The following TSPAN7 variants were observed in gnomAD, a reference collection of about 807,000 sequenced individuals.
TSPAN7 encodes tetraspanin 7.
Under a neutral mutation model 17.6 loss-of-function variants are expected in TSPAN7, and 1 was observed. The ratio of observed to expected loss-of-function variants is 0.06; its 90% CI spans 0.02 to 0.27. The LOEUF (loss-of-function observed/expected upper bound fraction) is 0.27, where lower values mean the gene tolerates loss of function less well. Among genes scored for constraint, TSPAN7 ranks in the 10% least tolerant of loss-of-function variants. The probability of loss-of-function intolerance (pLI) is 1.00; values close to 1 mark genes in which losing one functional copy is unlikely to be tolerated. For synonymous variants in TSPAN7, 78 were observed against 79.0 expected, an observed-to-expected ratio of 0.99 and a Z score of 0.07; for missense variants, 112 against 201.7, an observed-to-expected ratio of 0.56 and a Z score of 2.69.
Position 38,664,443 on chromosome X carries a change from G to T in TSPAN7, c.82-1678G>T, listed in dbSNP as rs192291229. Reference sequence around the variant, plus strand: ...TTTATGTTTCCGTGTTGGGGAGTATGGCAGAAGAGGCTGCTCAAGGAAAGT... The same window carrying T: ...TTTATGTTTCCGTGTTGGGGAGTATTGCAGAAGAGGCTGCTCAAGGAAAGT... On this transcript the variant is annotated intron_variant, in intron 1 of 7. Transcript: ENST00000378482. Among the ~76,000 whole-genome samples the T allele has an allele frequency of 4.8e-3, 540 of 111,426 alleles. 1 individual carries two copies. The highest frequency in any genetic ancestry group is 0.017 in the African/African-American group (506 of 30,587).
chrX:38,579,566 A>G (rs1162066938), intron 1 of TSPAN7, among the ~76,000 whole-genome samples: 1 of 111,390 alleles, frequency 9.0e-6, no homozygotes. Flanking sequence ...ACAGAGCGAG[A>G]CTGTGTCTCA....
chrX:38,623,270 C>A (rs1474044703), intron 1 of TSPAN7, among the ~76,000 whole-genome samples: 1 of 111,563 alleles, frequency 9.0e-6, no homozygotes, highest in Non-Finnish European at 1.9e-5. Context: ...GAGGCAAGCA[C>A]TGAAGTTAAT....
At chrX:38,625,862 T>C (rs1045046364) in intron 1 of TSPAN7, among the ~76,000 whole-genome samples, 2 of 112,086 alleles carry the variant, frequency 1.8e-5, no homozygotes, top group African/African-American at 6.5e-5. Context: ...AAGATATAAG[T>C]CATCTGTGGG....
At chrX:38,575,143 G>C (rs1481658515) in intron 1 of TSPAN7, among the ~76,000 whole-genome samples, 1 of 110,824 alleles carries the variant, frequency 9.0e-6, no homozygotes, top group African/African-American at 3.3e-5. Context: ...TCAGTAACCA[G>C]CAAGCAACTG....
intron 1 of TSPAN7, among the ~76,000 whole-genome samples, chrX:38,584,577 G>C (rs1273636174): frequency 4.5e-5 from 5 of 111,980 alleles, no homozygotes; most frequent in African/African-American, 1.6e-4. Context: ...ATGTTATTCA[G>C]GTGTGGACTT....
At chrX:38,648,153 T>C (rs1468277851) in intron 1 of TSPAN7, among the ~76,000 whole-genome samples, 1 of 112,192 alleles carries the variant, frequency 8.9e-6, no homozygotes, top group African/African-American at 3.2e-5. Context: ...ATTTTATGAA[T>C]GAATATACTT....
chrX:38,637,687 C>T (rs1041213940), intron 1 of TSPAN7, among the ~76,000 whole-genome samples: 2 of 112,106 alleles, frequency 1.8e-5, no homozygotes, highest in Non-Finnish European at 1.9e-5. Context: ...ATGGTTTTCT[C>T]CTAGTTGCAA....
At chrX:38,678,878 A>T (rs1417992308) in intron 5 of TSPAN7, among the ~76,000 whole-genome samples, 1 of 111,877 alleles carries the variant, frequency 8.9e-6, no homozygotes, top group Non-Finnish European at 1.9e-5. Context: ...GTTAAAATTC[A>T]TTAAAAATAT....
chrX:38,585,566 GATA>G (rs1392768636), intron 1 of TSPAN7, among the ~76,000 whole-genome samples: 1 of 111,375 alleles, frequency 9.0e-6, no homozygotes, highest in African/African-American at 3.3e-5. Flanking sequence ...TTTGTATACA[GATA>G]ATAATTTTAA....
At chrX:38,645,426 G>A (rs1187968055) in intron 1 of TSPAN7, among the ~76,000 whole-genome samples, 1 of 112,140 alleles carries the variant, frequency 8.9e-6, no homozygotes, top group Non-Finnish European at 1.9e-5. Flanking sequence ...ACAAAGCTGT[G>A]CACCTGTAGT....
chrX:38,591,733 A>G (rs1246471989), intron 1 of TSPAN7, among the ~76,000 whole-genome samples: 1 of 112,154 alleles, frequency 8.9e-6, no homozygotes, highest in East Asian at 2.8e-4. Flanking sequence ...CCTTGTGATA[A>G]ATGGAGCCCT....
intron 1 of TSPAN7, among the ~76,000 whole-genome samples, chrX:38,620,654 G>C (rs1397171261): frequency 9.0e-6 from 1 of 111,630 alleles, no homozygotes; most frequent in African/African-American, 3.3e-5. Flanking sequence ...CAGTTCCTCT[G>C]TTGTCTACTG....
chrX:38,588,012 C>G (rs950884526), intron 1 of TSPAN7, among the ~76,000 whole-genome samples: 6 of 111,858 alleles, frequency 5.4e-5, no homozygotes, highest in Admixed American at 1.9e-4. Context: ...GAACCACCTT[C>G]TTAGAGTGAG....
Position 38,666,132 on chromosome X carries a change from G to A in TSPAN7, c.93G>A (p.Val31=). ...IYSFVFWITG[V]ILLAVGVWGK... ...TCTCCCTCTTTCAGATCACTGGGGT[G>A]ATCCTGCTGGCTGTTGGAGTCTGGG... The change falls in exon 2 of 8, where the codon GTG becomes GTA. Residue 31 remains valine, a synonymous_variant. Transcript: ENST00000378482. 8.3e-7 allele frequency: 1 copy of A among 1,210,982 alleles called. No individual in the cohort carries two copies. The highest frequency in any genetic ancestry group is 1.1e-6 in the Non-Finnish European group (1 of 895,279).
At chrX:38,677,247 G>A (rs767436645) in intron 5 of TSPAN7, among the ~76,000 whole-genome samples, 3 of 111,718 alleles carry the variant, frequency 2.7e-5, no homozygotes, top group East Asian at 2.8e-4. Flanking sequence ...TGTAAAATGC[G>A]GATAATAATA....
chrX:38,657,118 T>C (rs1291348393), intron 1 of TSPAN7, among the ~76,000 whole-genome samples: 1 of 111,536 alleles, frequency 9.0e-6, no homozygotes, highest in African/African-American at 3.3e-5. Context: ...GGGCTGACCA[T>C]TTTTTTCTCT....
intron 1 of TSPAN7, among the ~76,000 whole-genome samples, chrX:38,563,408 A>G (rs754428422): frequency 9.0e-5 from 10 of 110,995 alleles, no homozygotes; most frequent in South Asian, 7.6e-4. Context: ...GTTTCCTTAA[A>G]TCTCTTTTTG....
At chrX:38,607,863 A>G (rs1467704650) in intron 1 of TSPAN7, among the ~76,000 whole-genome samples, 2 of 88,385 alleles carry the variant, frequency 2.3e-5, no homozygotes, top group Non-Finnish European at 4.3e-5. Flanking sequence ...AGCCTTGAGG[A>G]AAAAAAAAAA....
In TSPAN7 at chrX:38,671,423, C is replaced by A. The variant is rs778993428; in HGVS notation, c.318C>A (p.Gly106=). 8.3e-7 allele frequency: 1 copy of A among 1,211,148 alleles called. No homozygotes were observed. Among genetic ancestry groups the A allele is most frequent in the Admixed American group, 2.2e-5 (1 of 45,999 alleles). ...SLVFLAELVA[G]ISGFVFRHEI... is the part of the protein sequence containing the mutation. ...TGTTCCTGGCTGAGCTCGTAGCTGG[C>A]ATTTCAGGGTTTGTGTTTCGTCATG... The change falls in exon 3 of 8, where the codon GGC becomes GGA. Residue 106 remains glycine, a synonymous_variant. Transcript: ENST00000378482.
Sources: gnomAD v4.1 joint callset for allele counts (sites outside exome capture counted in the v4.1 genomes callset) on GRCh38, gnomAD v4.1.1 for gene constraint, MANE v1.5 for transcripts, NCBI Gene and HGNC (gene_info 2026-07-23, HGNC 2026-07-21) for gene names.